Variants in CAP2 observed in about 807,000 individuals in gnomAD.
The protein encoded by CAP2 is adenylyl cyclase-associated protein 2.
A neutral mutation model predicts 57.7 loss-of-function variants in CAP2; 24 were observed. The ratio of observed to expected loss-of-function variants is 0.42; its 90% CI spans 0.30 to 0.58. The LOEUF (loss-of-function observed/expected upper bound fraction) is 0.58, where lower values mean the gene tolerates loss of function less well. CAP2 is among the 20% of genes least tolerant of loss of function. The pLI is 0.22. For synonymous variants in CAP2, 194 were observed against 207.2 expected (o/e 0.94, Z 0.55); for missense variants, 501 against 590.3 (o/e 0.85, Z 1.57).
chr6:17,454,119 A>G (rs1760489319), intron 3 of CAP2, among the ~76,000 whole-genome samples: 1 of 151,798 alleles, frequency 6.6e-6, no homozygotes, highest in Non-Finnish European at 1.5e-5. Flanking sequence ...CATGTTGCCC[A>G]GGCTGGTCTC....
chr6:17,508,239 T>C (rs1762041741), intron 6 of CAP2, among the ~76,000 whole-genome samples: 1 of 152,154 alleles, frequency 6.6e-6, no homozygotes, highest in African/African-American at 2.4e-5. Flanking sequence ...CTAGCAGCCA[T>C]TCAGAGTGCT....
At chr6:17,491,447 T>C (rs1031143382) in intron 4 of CAP2, among the ~76,000 whole-genome samples, 5 of 152,238 alleles carry the variant, frequency 3.3e-5, no homozygotes, top group Non-Finnish European at 5.9e-5. Flanking sequence ...TTGAGGTCAG[T>C]AAAATTGCTT....
chr6:17,456,243 A>G (rs569418882), intron 3 of CAP2, among the ~76,000 whole-genome samples: 1 of 152,334 alleles, frequency 6.6e-6, no homozygotes, highest in African/African-American at 2.4e-5. Flanking sequence ...TGATGGACAC[A>G]CAGAACCACT....
chr6:17,443,333 A>G (rs373155939), intron 3 of CAP2, among the ~76,000 whole-genome samples: 2 of 152,080 alleles, frequency 1.3e-5, no homozygotes, highest in South Asian at 2.1e-4. Context: ...TGCAGAATAT[A>G]TGTTCTTTGT....
chr6:17,553,462 T>C (rs1437917654), intron 12 of CAP2, among the ~76,000 whole-genome samples: 1 of 151,858 alleles, frequency 6.6e-6, no homozygotes, highest in African/African-American at 2.4e-5. Flanking sequence ...TGAAACCCCA[T>C]CTCTACTAAA....
chr6:17,432,028 A>T (rs112234741), intron 3 of CAP2, among the ~76,000 whole-genome samples: 15 of 152,296 alleles, frequency 9.8e-5, no homozygotes, highest in African/African-American at 3.6e-4. Flanking sequence ...GTATAGATGA[A>T]CATCAGCCTC....
intron 4 of CAP2, among the ~76,000 whole-genome samples, chr6:17,492,344 C>T (rs774072750): frequency 6.6e-6 from 1 of 152,040 alleles, no homozygotes; most frequent in Non-Finnish European, 1.5e-5. Context: ...TCAGAAGGAG[C>T]AGAACTGAGG....
intron 1 of CAP2, among the ~76,000 whole-genome samples, chr6:17,418,134 GAGAC>G (rs1759336549): frequency 6.6e-6 from 1 of 152,148 alleles, no homozygotes; most frequent in Admixed American, 6.5e-5. Flanking sequence ...GGTATATCGG[GAGAC>G]AGACAGGGAG....
Position 17,406,398 on chromosome 6 carries a change from C to CTTTTTTTTTTTTTTTTTTTTTTTTTT in CAP2, c.-2+12667_-2+12668insTTTTTTTTTTTTTTTTTTTTTTTTTT, listed in dbSNP as rs777803474. ...CTTTTCTGTCAGTAAGCCCAGATTT[C>CTTTTTTTTTTTTTTTTTTTTTTTTTT]TTTTTTTTTTTTTTTGAGGCAGTCT... On this transcript the variant is annotated intron_variant, in intron 1 of 12. Transcript: ENST00000229922. 5.9e-4 allele frequency among the ~76,000 whole-genome samples: 60 copies of CTTTTTTTTTTTTTTTTTTTTTTTTTT among 102,462 alleles called. 11 individuals are homozygous for CTTTTTTTTTTTTTTTTTTTTTTTTTT. Among genetic ancestry groups the CTTTTTTTTTTTTTTTTTTTTTTTTTT allele is most frequent in the African/African-American group, 2.8e-3 (47 of 16,994 alleles). 67.2% of individuals were successfully genotyped at this position (102,462 alleles called of 152,430 possible). A position where few individuals can be genotyped will look rare whatever the true frequency, so the allele number is the denominator to read the frequency against.
chr6:17,533,603 T>C (rs1184031598), intron 7 of CAP2, among the ~76,000 whole-genome samples: 1 of 149,246 alleles, frequency 6.7e-6, no homozygotes, highest in Admixed American at 6.8e-5. Context: ...GGAGTCTCCC[T>C]CTGTCACCAG....
chr6:17,510,030 T>C (rs1762105223), intron 6 of CAP2, among the ~76,000 whole-genome samples: 1 of 152,170 alleles, frequency 6.6e-6, no homozygotes, highest in Non-Finnish European at 1.5e-5. Flanking sequence ...TCCAGGATAG[T>C]CAAATCTATA....
At chr6:17,440,614 G>GTGTGTGTGTGTGTGTGTGTGT (rs1554122866) in intron 3 of CAP2, among the ~76,000 whole-genome samples, 2 of 141,594 alleles carry the variant, frequency 1.4e-5, no homozygotes, top group African/African-American at 2.8e-5. Context: ...AACTGTGTGT[G>GTGTGTGTGTGTGTGTGTGTGT]GTGTGTGTGT....
intron 4 of CAP2, among the ~76,000 whole-genome samples, chr6:17,494,584 T>C (rs765095332): frequency 4.6e-5 from 7 of 152,178 alleles, no homozygotes; most frequent in Non-Finnish European, 7.4e-5. Flanking sequence ...CTGATCCTCC[T>C]CACTAGGTTC....
intron 7 of CAP2, among the ~76,000 whole-genome samples, chr6:17,527,381 A>C (rs192914128): frequency 3.4e-4 from 52 of 152,292 alleles, no homozygotes; most frequent in Middle Eastern, 3.4e-3. Context: ...TCCCATGGAA[A>C]ATTTAATTTT....
intron 3 of CAP2, among the ~76,000 whole-genome samples, chr6:17,432,258 T>G (rs1382124796): frequency 6.6e-6 from 1 of 152,178 alleles, no homozygotes; most frequent in Non-Finnish European, 1.5e-5. Flanking sequence ...CTGTACTCAT[T>G]TTAAAAGTGA....
At chr6:17,462,130 C>T (rs1459912003) in intron 3 of CAP2, among the ~76,000 whole-genome samples, 1 of 151,776 alleles carries the variant, frequency 6.6e-6, no homozygotes, top group Non-Finnish European at 1.5e-5. Context: ...TGAGGCCATT[C>T]CTGCTTACAC....
intron 3 of CAP2, 26 bp downstream of exon 3, chr6:17,426,716 A>G: frequency 6.6e-7 from 1 of 1,508,400 alleles, no homozygotes; most frequent in Non-Finnish European, 9.2e-7. Context: ...CCCTGTTCTC[A>G]GTAGAGAGTT....
chr6:17,472,648 G>A (rs1761049918), intron 4 of CAP2, among the ~76,000 whole-genome samples: 1 of 152,164 alleles, frequency 6.6e-6, no homozygotes, highest in African/African-American at 2.4e-5. Flanking sequence ...ATTACATGGT[G>A]GCTAGCATGT....
rs756551207 is a variant in CAP2 at position 17,421,651 on chromosome 6, C to T, written c.96C>T (p.Cys32=). The change falls in exon 2 of 13, where the codon TGC becomes TGT. Residue 32 remains cysteine (C), a synonymous_variant. Transcript: ENST00000229922. ...SAESHRPPGN[C]GEVNGVIAGV... Reference sequence around the variant, plus strand: ...AGTCCCACAGGCCCCCTGGGAACTGCGGGGAAGTCAATGGTGTCATTGCAG... The same window carrying T: ...AGTCCCACAGGCCCCCTGGGAACTGTGGGGAAGTCAATGGTGTCATTGCAG... 4 of 1,613,994 alleles carry T rather than the reference C, an allele frequency of 2.5e-6. No homozygotes were observed. In the South Asian group the frequency reaches 3.3e-5, roughly 13 times the overall value.
Sources: allele counts gnomAD v4.1 joint callset (sites outside exome capture counted in the v4.1 genomes callset), GRCh38; gene constraint gnomAD v4.1.1; transcripts MANE v1.5; gene names NCBI Gene and HGNC (gene_info 2026-07-23, HGNC 2026-07-21).